The following OSCP1 variants were observed in gnomAD, a reference collection of about 807,000 sequenced individuals.
OSCP1 encodes the protein organic solute carrier partner 1.
Under a neutral mutation model 45.1 loss-of-function variants are expected in OSCP1, and 35 were observed. The ratio of observed to expected loss-of-function variants is 0.78; its 90% CI spans 0.59 to 1.03. OSCP1 has a LOEUF of 1.03. Ranked by LOEUF, OSCP1 falls within the 50% of genes least tolerant of loss-of-function variation. OSCP1 has a pLI of 0.00. For synonymous variants in OSCP1, 179 were observed against 180.1 expected (o/e 0.99, Z 0.05); for missense variants, 400 against 470.7 (o/e 0.85, Z 1.39).
At chr1:36,432,652 A>G in intron 2 of OSCP1, 63 bp from the exon 3 acceptor site, 1 of 1,596,158 alleles carries the variant, frequency 6.3e-7, no homozygotes, top group Non-Finnish European at 8.6e-7. Flanking sequence ...GAGAATCTCC[A>G]AACAGTGATT....
At position 36,432,491 on chromosome 1, in the gene OSCP1, G is replaced by C; in HGVS notation, c.366C>G (p.Ile122Met). 6.2e-7 allele frequency: 1 copy of C among 1,614,128 alleles called. No homozygotes were observed. Among genetic ancestry groups the C allele is most frequent in the Non-Finnish European group, 8.5e-7 (1 of 1,179,998 alleles). Residue 122 changes from isoleucine (I) to methionine (M), a missense_variant, in exon 3 of 10, where the codon ATC (isoleucine) becomes ATG (methionine). Physicochemically the swap from Ile to Met is conservative, Grantham distance 10 (BLOSUM62 1). Coordinates refer to ENST00000235532, the MANE Select transcript of OSCP1 (RefSeq NM_145047.5). ...TTGGGGAGTCTCGGATGAATCCCTT[G>C]ATGGTATCCAAGTGATTGAAAGTGA... is the stretch of plus-strand genomic sequence containing the variant. ...LLVTFNHLDTIKGFIRDSPTI... is the reference protein window; with the variant it reads ...LLVTFNHLDTMKGFIRDSPTI...
At chr1:36,423,620 A>G in intron 4 of OSCP1, 154 bp from the exon 5 acceptor site, 1 of 566,696 alleles carries the variant, frequency 1.8e-6, no homozygotes. Flanking sequence ...CATGCCTGTA[A>G]TCCCAGCACT....
chr1:36,442,071 T>C (rs1649221037), intron 1 of OSCP1, among the ~76,000 whole-genome samples: 1 of 151,786 alleles, frequency 6.6e-6, no homozygotes, highest in African/African-American at 2.4e-5. Flanking sequence ...CTACTAAAAA[T>C]ACAAAATTAG....
At chr1:36,449,275 G>A (rs1387865751) in intron 1 of OSCP1, among the ~76,000 whole-genome samples, 4 of 152,180 alleles carry the variant, frequency 2.6e-5, no homozygotes, top group Non-Finnish European at 4.4e-5. Context: ...AGAGGAAAAG[G>A]AACAGAGTGG....
intron 4 of OSCP1, among the ~76,000 whole-genome samples, chr1:36,426,512 C>T (rs1647971196): frequency 6.6e-6 from 1 of 152,068 alleles, no homozygotes; most frequent in Non-Finnish European, 1.5e-5. Context: ...ATCTATGGGT[C>T]CCCTAGGATG....
intron 2 of OSCP1, among the ~76,000 whole-genome samples, chr1:36,438,316 T>C (rs1307357375): frequency 2.0e-4 from 6 of 29,772 alleles, no homozygotes; most frequent in East Asian, 1.4e-3. Context: ...AAACTCCATC[T>C]CAAAAAAAAA....
chr1:36,439,175 T>C (rs1333262285), intron 1 of OSCP1, among the ~76,000 whole-genome samples: 1 of 152,222 alleles, frequency 6.6e-6, no homozygotes, highest in Non-Finnish European at 1.5e-5. Context: ...ATAAACTCCT[T>C]ATATAAATAT....
At chr1:36,440,894 A>G (rs1649095979) in intron 1 of OSCP1, 1 of 152,390 alleles carries the variant, frequency 6.6e-6, no homozygotes, top group South Asian at 2.1e-4. Context: ...GTTAATGCTT[A>G]CAAAGGGCTG....
At chr1:36,441,750 CAAAA>C (rs575967932) in intron 1 of OSCP1, among the ~76,000 whole-genome samples, 1 of 58,272 alleles carries the variant, frequency 1.7e-5, no homozygotes. Flanking sequence ...GACTCCAGCT[CAAAA>C]AAAAAAAAAA....
chr1:36,446,238 G>C lies in OSCP1; in HGVS notation c.112+4020C>G, dbSNP rs988690839. Among the ~76,000 whole-genome samples the C allele has an allele frequency of 1.2e-4, 18 of 152,264 alleles. No homozygotes were observed. The East Asian group carries it at 3.3e-3, about 28-fold the overall frequency. ...GGTTTTCACCATGTTGGCCAGGCTG[G>C]TCTCGAACTCCTGACCTCAGGTGAT... On this transcript the variant is annotated intron_variant, in intron 1 of 9. Coordinates refer to ENST00000235532, the MANE Select transcript of OSCP1 (RefSeq NM_145047.5).
At chr1:36,438,495 C>CA (rs948012532) in intron 2 of OSCP1, among the ~76,000 whole-genome samples, 3 of 151,794 alleles carry the variant, frequency 2.0e-5, no homozygotes, top group Admixed American at 6.6e-5. Context: ...ATTTCAAAAA[C>CA]AAAAAAACAC....
intron 2 of OSCP1, among the ~76,000 whole-genome samples, chr1:36,438,317 C>CAAAAAAAAAA (rs35430845): frequency 1.4e-5 from 1 of 73,802 alleles, no homozygotes; most frequent in Non-Finnish European, 2.4e-5. Flanking sequence ...AACTCCATCT[C>CAAAAAAAAAA]AAAAAAAAAA....
At chr1:36,448,065 CAT>C (rs1330015222) in intron 1 of OSCP1, among the ~76,000 whole-genome samples, 1 of 152,184 alleles carries the variant, frequency 6.6e-6, no homozygotes, top group Non-Finnish European at 1.5e-5. Context: ...TTGTGTTAAA[CAT>C]ATTAAATACA....
intron 8 of OSCP1, 58 bp from the exon 9 acceptor site, chr1:36,419,112 G>A: frequency 6.8e-7 from 1 of 1,463,384 alleles, no homozygotes; most frequent in South Asian, 1.1e-5. Context: ...CTGCCAGCAT[G>A]GCAAACTGGC....
intron 1 of OSCP1, chr1:36,443,880 TC>T: frequency 9.3e-7 from 1 of 1,075,070 alleles, no homozygotes; most frequent in Non-Finnish European, 1.4e-6. Flanking sequence ...AAAGACAAAC[TC>T]ATGCCTATTT....
rs199901207 is a variant in OSCP1 at position 36,420,494 on chromosome 1, G to A, written c.941C>T (p.Thr314Ile). 1.9e-6 allele frequency: 3 copies of A among 1,613,958 alleles called. No individual in the cohort carries two copies. The highest frequency in any genetic ancestry group is 2.2e-5 in the South Asian group (2 of 91,072). ...AACATACTCCTCTTCTTCATCGGTG[G>A]TAAAGAGATTCAACCGGAATCCGGG... ...PEPGFRLNLFTTDEEEEQAAL... is the reference protein window; with the variant it reads ...PEPGFRLNLFITDEEEEQAAL... Residue 314 changes from threonine (T) to isoleucine (I), a missense_variant, in exon 8 of 10, where the codon ACC (threonine) becomes ATC (isoleucine). Physicochemically the swap from Thr to Ile is moderately conservative, Grantham distance 89. Transcript: ENST00000235532.
intron 4 of OSCP1, chr1:36,428,598 C>G (rs1053946213): frequency 2.4e-6 from 3 of 1,246,058 alleles, no homozygotes; most frequent in Non-Finnish European, 3.2e-6. Context: ...AGTTATTTTG[C>G]CCAAGGTCAT....
intron 7 of OSCP1, among the ~76,000 whole-genome samples, chr1:36,421,718 T>G (rs1300204181): frequency 3.3e-5 from 5 of 152,216 alleles, no homozygotes; most frequent in African/African-American, 1.2e-4. Context: ...TGGGAGCTAG[T>G]TCAGCGAAAA....
chr1:36,424,292 T>C (rs535200033), intron 4 of OSCP1, among the ~76,000 whole-genome samples: 1 of 152,262 alleles, frequency 6.6e-6, no homozygotes, highest in South Asian at 2.1e-4. Flanking sequence ...GTGAGTCCTA[T>C]TACCCCCATT....
Sources: gnomAD v4.1 joint callset for allele counts (sites outside exome capture counted in the v4.1 genomes callset) on GRCh38, gnomAD v4.1.1 for gene constraint, MANE v1.5 for transcripts, NCBI Gene and HGNC (gene_info 2026-07-23, HGNC 2026-07-21) for gene names.